Variants in GPN3 observed in about 807,000 individuals in gnomAD.
The protein encoded by GPN3 is ATP-binding domain 1 family member C.
In GPN3, 31 loss-of-function variants were observed where a neutral mutation model predicts 38.7. That is an observed-to-expected ratio of 0.80 (90% CI 0.60 to 1.08). GPN3 has a LOEUF of 1.08. Among genes scored for constraint, GPN3 ranks in the 50% least tolerant of loss-of-function variants. The pLI is 0.00. For synonymous variants in GPN3, 116 were observed against 120.2 expected (o/e 0.96, Z 0.23); for missense variants, 301 against 354.4 (o/e 0.85, Z 1.21).
At chr12:110,456,983 C>G (rs561821871) in intron 4 of GPN3, among the ~76,000 whole-genome samples, 1 of 152,170 alleles carries the variant, frequency 6.6e-6, no homozygotes, top group South Asian at 2.1e-4. Context: ...TAGCTGTGAA[C>G]CACTTCACCC....
Position 110,459,730 on chromosome 12 carries a change from T to C in GPN3, c.290A>G (p.His97Arg), listed in dbSNP as rs1437583039. 1.2e-6 allele frequency: 2 copies of C among 1,613,130 alleles called. No homozygotes were observed. The highest frequency in any genetic ancestry group is 2.2e-5 in the South Asian group (2 of 91,052). The change falls in exon 3 of 8, where the codon CAT becomes CGT. Residue 97 changes from histidine to arginine, a missense_variant. Coordinates refer to ENST00000228827, the MANE Select transcript of GPN3 (RefSeq NM_016301.4). ...NFDWLENCLG[H>R]VEDDYILFDC... is the part of the protein sequence containing the mutation. ...AAAAAGGATATAGTCGTCCTCTACA[T>C]GGCCAAGACAGTTCTCCAGCCAGTC...
At chr12:110,457,091 TA>T (rs2135516896) in intron 4 of GPN3, among the ~76,000 whole-genome samples, 2 of 151,990 alleles carry the variant, frequency 1.3e-5, no homozygotes, top group East Asian at 3.9e-4. Flanking sequence ...AATTTAATAA[TA>T]AAAGGGATAA....
chr12:110,467,841 G>C (rs761162262), intron 1 of GPN3, among the ~76,000 whole-genome samples: 2 of 152,162 alleles, frequency 1.3e-5, no homozygotes. Flanking sequence ...GCGGGGCAAA[G>C]AACTTAATTA....
At chr12:110,457,084 TTAA>T (rs2062555489) in intron 4 of GPN3, among the ~76,000 whole-genome samples, 1 of 152,020 alleles carries the variant, frequency 6.6e-6, no homozygotes, top group African/African-American at 2.4e-5. Flanking sequence ...ATGTTATAAT[TTAA>T]TAATAAAAGG....
chr12:110,465,157 C>G lies in GPN3; in HGVS notation c.106G>C (p.Val36Leu). ...TCTGCTGCTGGATCCAGGTTTACAACTTGGACAGACCGGTTGAGGGCTTCA... is the reference window on the plus strand; with the variant it reads ...TCTGCTGCTGGATCCAGGTTTACAAGTTGGACAGACCGGTTGAGGGCTTCA... Reference protein sequence around the residue: ...HCEALNRSVQVVNLDPAAEHF... With the variant: ...HCEALNRSVQLVNLDPAAEHF... Residue 36 changes from valine to leucine, a missense_variant, in exon 2 of 8, where the codon GTT becomes CTT. Physicochemically the swap from Val to Leu is conservative, Grantham distance 32. Transcript: ENST00000228827. 6.2e-7 allele frequency: 1 copy of G among 1,612,446 alleles called. No individual in the cohort carries two copies. The highest frequency in any genetic ancestry group is 1.7e-4 in the Middle Eastern group (1 of 6,060).
chr12:110,463,443 C>T (rs1231253964), intron 2 of GPN3, among the ~76,000 whole-genome samples: 1 of 150,892 alleles, frequency 6.6e-6, no homozygotes, highest in African/African-American at 2.4e-5. Context: ...CAGAGTGAGA[C>T]CTTGTCTCAA....
upstream of GPN3, chr12:110,468,391 A>AG: frequency 2.0e-6 from 3 of 1,523,270 alleles, no homozygotes; most frequent in Non-Finnish European, 2.6e-6. Context: ...AAAAAAGGGG[A>AG]GGGGCGAGGG....
At chr12:110,465,075 A>G (rs2062617577) in intron 2 of GPN3, 31 bp downstream of exon 2, 1 of 1,131,184 alleles carries the variant, frequency 8.8e-7, no homozygotes, top group Admixed American at 1.7e-5. Context: ...ACTGTTCCTG[A>G]AGGTGGGGGG....
chr12:110,468,495 A>G (rs1382018393), upstream of GPN3: 1 of 1,537,228 alleles, frequency 6.5e-7, no homozygotes, highest in Non-Finnish European at 8.7e-7. Flanking sequence ...GACAACAGAT[A>G]AAGCTCCGCA....
chr12:110,468,077 C>G, intron 1 of GPN3, 79 bp downstream of exon 1: 1 of 1,609,128 alleles, frequency 6.2e-7, no homozygotes, highest in East Asian at 2.2e-5. Context: ...CACACACCCG[C>G]CGGCTCACTC....
Position 110,468,171 on chromosome 12 carries a change from G to A in GPN3, c.33C>T (p.Pro11=), listed in dbSNP as rs890348377. The A allele has an allele frequency of 1.9e-6, 3 of 1,612,906 alleles. No individual in the cohort carries two copies. Among genetic ancestry groups the A allele is most frequent in the South Asian group, 2.2e-5 (2 of 91,086 alleles). The change falls in exon 1 of 8, where the codon CCC becomes CCT. Residue 11 remains proline (P), a synonymous_variant. Coordinates refer to ENST00000228827, the MANE Select transcript of GPN3 (RefSeq NM_016301.4). ...AGATCCTCACCTTCCCGCTGCCCGC[G>A]GGGCCCATGACCAGCTGCGCATACC... MPRYAQLVMG[P]AGSGKSTYCA... is the part of the protein sequence containing the mutation.
chr12:110,456,061 G>A, intron 4 of GPN3, 131 bp from the exon 5 acceptor site: 1 of 600,180 alleles, frequency 1.7e-6, no homozygotes, highest in Non-Finnish European at 3.0e-6. Context: ...TGGACGTGGT[G>A]GCTCATGCCT....
At chr12:110,467,830 T>A (rs926432603) in intron 1 of GPN3, among the ~76,000 whole-genome samples, 1 of 152,216 alleles carries the variant, frequency 6.6e-6, no homozygotes, top group African/African-American at 2.4e-5. Flanking sequence ...TATATTTTTT[T>A]GCGGGGCAAA....
intron 4 of GPN3, among the ~76,000 whole-genome samples, chr12:110,457,046 T>C (rs2062555094): frequency 6.6e-6 from 1 of 152,050 alleles, no homozygotes; most frequent in Admixed American, 6.6e-5. Flanking sequence ...CTCTATGATA[T>C]AATAATTTAC....
Position 110,459,775 on chromosome 12 carries a change from T to G in GPN3, c.245A>C (p.Glu82Ala). ...GPNGGLVFCM[E>A]YFANNFDWLE... ...CCAGTCAAAATTATTGGCAAAGTAC[T>G]CCATGCAAAATACCAATCCTCCGTT... The change falls in exon 3 of 8, where the codon GAG becomes GCG. Residue 82 changes from glutamate to alanine, a missense_variant. By Grantham distance (107) the Glu-to-Ala change is moderately radical (BLOSUM62 -1). Coordinates refer to ENST00000228827, the MANE Select transcript of GPN3 (RefSeq NM_016301.4). 6.2e-7 allele frequency: 1 copy of G among 1,612,596 alleles called. No individual in the cohort carries two copies. The highest frequency in any genetic ancestry group is 8.5e-7 in the Non-Finnish European group (1 of 1,178,610).
intron 1 of GPN3, 106 bp from the exon 2 acceptor site, chr12:110,465,320 C>G (rs747554975): frequency 4.2e-5 from 31 of 730,492 alleles, no homozygotes; most frequent in Admixed American, 7.9e-5. Context: ...CTTCATCAAC[C>G]AAGAGGCTGA....
intron 2 of GPN3, among the ~76,000 whole-genome samples, chr12:110,460,432 A>G (rs965578512): frequency 1.3e-5 from 2 of 152,230 alleles, no homozygotes; most frequent in African/African-American, 4.8e-5. Context: ...AAAAGAAAAC[A>G]GATTACCATT....
At chr12:110,454,862 G>A (rs1055409002) in intron 6 of GPN3, among the ~76,000 whole-genome samples, 1 of 150,668 alleles carries the variant, frequency 6.6e-6, no homozygotes, top group African/African-American at 2.4e-5. Context: ...GCTGTTGTTG[G>A]ACCGGGCTGG....
At chr12:110,461,301 T>C (rs1014688689) in intron 2 of GPN3, 2 of 1,232,276 alleles carry the variant, frequency 1.6e-6, no homozygotes, top group Non-Finnish European at 2.4e-6. Context: ...CCATATACTT[T>C]GGTTACCTAT....
Sources: allele counts gnomAD v4.1 joint callset (sites outside exome capture counted in the v4.1 genomes callset), GRCh38; gene constraint gnomAD v4.1.1; transcripts MANE v1.5; gene names NCBI Gene and HGNC (gene_info 2026-07-23, HGNC 2026-07-21).